RGS17: variants seen among roughly 807,000 people sequenced by gnomAD.
RGS17 encodes the protein regulator of G-protein signaling 17.
Under a neutral mutation model 25.5 loss-of-function variants are expected in RGS17, and 12 were observed. The ratio of observed to expected loss-of-function variants is 0.47; its 90% confidence interval spans 0.30 to 0.76. The LOEUF is 0.76. Ranked by LOEUF, RGS17 falls within the 30% of genes least tolerant of loss-of-function variation. The probability of loss-of-function intolerance (pLI) is 0.07; values close to 1 mark genes in which losing one functional copy is unlikely to be tolerated. For missense variants in RGS17, 196 were observed against 242.2 expected (o/e 0.81, Z 1.27); for synonymous variants, 71 against 76.9 (o/e 0.92, Z 0.40).
chr6:153,004,691 T>C lies in RGS17; in HGVS notation c.*6883A>G, dbSNP rs1779054888. The C allele has an allele frequency of 6.6e-6, 1 of 152,122 alleles. No individual in the cohort carries two copies. Among genetic ancestry groups the C allele is most frequent in the Admixed American group, 6.5e-5 (1 of 15,282 alleles). 9.4% of individuals were successfully genotyped at this position (152,122 alleles called of 1,614,324 possible). A position where few individuals can be genotyped will look rare whatever the true frequency, so the allele number is the denominator to read the frequency against. ...AATTCTAGCATTTTCCAGAAGTATA[T>C]TATTGTACATAGGTAAAATGATAAA... On this transcript the variant is annotated 3_prime_UTR_variant, in exon 5 of 5. Coordinates refer to ENST00000206262, the MANE Select transcript of RGS17 (RefSeq NM_012419.5).
intron 1 of RGS17, among the ~76,000 whole-genome samples, chr6:153,071,034 T>C (rs1395605171): frequency 3.4e-5 from 5 of 148,066 alleles, no homozygotes; most frequent in Non-Finnish European, 7.4e-5. Flanking sequence ...TATGTATATA[T>C]ACGTATATGT....
rs368815245 is a variant in RGS17, at chr6:153,121,832, T to C, written c.-26+9292A>G. Among the ~76,000 whole-genome samples, 49 of 152,290 alleles carry C rather than the reference T, an allele frequency of 3.2e-4. 7 individuals carry two copies. Among genetic ancestry groups the C allele is most frequent in the Admixed American group, 2.1e-3 (32 of 15,298 alleles). ...ATTTTAAACTATTTAACATAACCTATGTTAGGTCAAGAAAAGGGCTTCACA... is the reference window on the plus strand; with the variant it reads ...ATTTTAAACTATTTAACATAACCTACGTTAGGTCAAGAAAAGGGCTTCACA... On this transcript the variant is annotated intron_variant, in intron 1 of 4. Coordinates refer to ENST00000206262, the MANE Select transcript of RGS17 (RefSeq NM_012419.5).
At chr6:153,115,324 A>C (rs955991201) in intron 1 of RGS17, among the ~76,000 whole-genome samples, 1 of 152,228 alleles carries the variant, frequency 6.6e-6, no homozygotes, top group African/African-American at 2.4e-5. Context: ...GTGTACTCCC[A>C]TTCACAATTG....
chr6:153,119,282 T>C lies in RGS17; in HGVS notation c.-26+11842A>G, dbSNP rs62435967. Among the ~76,000 whole-genome samples the C allele has an allele frequency of 3.9e-3, 591 of 152,310 alleles. 3 individuals carry two copies. Among genetic ancestry groups the C allele is most frequent in the Non-Finnish European group, 5.2e-3 (355 of 68,022 alleles). On this transcript the variant is annotated intron_variant, in intron 1 of 4. Transcript: ENST00000206262. The stretch of plus-strand genomic sequence containing the variant: ...TGTAGTTCATTCACCCTCCCAGTCA[T>C]TGAGTTTCCTCCATGACATCTCTGC...
chr6:153,024,705 C>T (rs1187003307), intron 3 of RGS17, among the ~76,000 whole-genome samples: 1 of 152,104 alleles, frequency 6.6e-6, no homozygotes, highest in Non-Finnish European at 1.5e-5. Flanking sequence ...TTCACACAGG[C>T]ATAAGAGACA....
At chr6:153,068,186 T>C (rs971644968) in intron 1 of RGS17, among the ~76,000 whole-genome samples, 2 of 152,178 alleles carry the variant, frequency 1.3e-5, no homozygotes, top group Non-Finnish European at 2.9e-5. Context: ...GGCTCATGCC[T>C]GCAATCCCAG....
At chr6:153,071,933 G>A (rs763545415) in intron 1 of RGS17, among the ~76,000 whole-genome samples, 1 of 152,054 alleles carries the variant, frequency 6.6e-6, no homozygotes, top group African/African-American at 2.4e-5. Flanking sequence ...AATTTACCAG[G>A]TTGTTGTTTG....
intron 4 of RGS17, among the ~76,000 whole-genome samples, chr6:153,016,668 ATT>A (rs1178191808): frequency 2.6e-5 from 4 of 152,230 alleles, no homozygotes; most frequent in Non-Finnish European, 5.9e-5. Flanking sequence ...ACAAAAATGC[ATT>A]TGTTATTTCT....
At chr6:153,099,887 T>A (rs1219569247) in intron 1 of RGS17, among the ~76,000 whole-genome samples, 1 of 152,156 alleles carries the variant, frequency 6.6e-6, no homozygotes, top group Non-Finnish European at 1.5e-5. Flanking sequence ...AAATGTCACA[T>A]AGCGACTCTA....
intron 2 of RGS17, among the ~76,000 whole-genome samples, chr6:153,039,559 G>T (rs1203685041): frequency 6.6e-6 from 1 of 152,138 alleles, no homozygotes; most frequent in Non-Finnish European, 1.5e-5. Context: ...ACCCTGTTTT[G>T]CTTGATGGGA....
chr6:153,020,950 A>G (rs1779242292), intron 4 of RGS17, among the ~76,000 whole-genome samples: 1 of 152,198 alleles, frequency 6.6e-6, no homozygotes, highest in Admixed American at 6.5e-5. Flanking sequence ...AAGCTATGCC[A>G]TTAGGTAGAG....
In RGS17 at chr6:153,064,771, A is replaced by C. The variant is rs116894334; in HGVS notation, c.-25-20728T>G. Among the ~76,000 whole-genome samples, 792 of 152,326 alleles carry C rather than the reference A, an allele frequency of 5.2e-3. 3 individuals are homozygous for C. The highest frequency in any genetic ancestry group is 8.8e-3 in the Non-Finnish European group (596 of 68,016). The stretch of plus-strand genomic sequence containing the variant: ...TAATAATATAGTATTTGCAAGCCTC[A>C]TGGTAACCTCAAACCAAAATACATA... On this transcript the variant is annotated intron_variant, in intron 1 of 4. Transcript: ENST00000206262.
At chr6:153,070,810 CAT>C (rs974056059) in intron 1 of RGS17, among the ~76,000 whole-genome samples, 4 of 150,428 alleles carry the variant, frequency 2.7e-5, no homozygotes, top group African/African-American at 4.9e-5. Flanking sequence ...TACATATACA[CAT>C]ATACATATAC....
chr6:153,009,780 T>C lies in RGS17; in HGVS notation c.*1794A>G, dbSNP rs1019519300. 6 of 151,966 alleles carry C rather than the reference T, an allele frequency of 3.9e-5. No homozygotes were observed. The highest frequency in any genetic ancestry group is 8.8e-5 in the Non-Finnish European group (6 of 67,846). 9.4% of individuals were successfully genotyped at this position (151,966 alleles called of 1,614,324 possible). On this transcript the variant is annotated 3_prime_UTR_variant, in exon 5 of 5. Transcript: ENST00000206262. ...ATATTTTGTTTTCTACTCTGCAATT[T>C]TTAAAAAATCCCATTTTGTCAAACA...
At chr6:153,111,286 T>A (rs1777466070) in intron 1 of RGS17, among the ~76,000 whole-genome samples, 2 of 152,038 alleles carry the variant, frequency 1.3e-5, no homozygotes. Flanking sequence ...GAGGCTTGAG[T>A]AGGCAGTTTT....
chr6:153,092,478 A>G (rs763955457), intron 1 of RGS17, among the ~76,000 whole-genome samples: 3 of 152,144 alleles, frequency 2.0e-5, no homozygotes, highest in African/African-American at 7.2e-5. Flanking sequence ...ACTGCCTGTG[A>G]GTTAATGTGG....
chr6:153,008,210 A>G lies in RGS17; in HGVS notation c.*3364T>C, dbSNP rs866956116. 1 of 152,226 alleles carries G rather than the reference A, an allele frequency of 6.6e-6. No individual in the cohort carries two copies. The highest frequency in any genetic ancestry group is 6.5e-5 in the Admixed American group (1 of 15,286). 9.4% of individuals were successfully genotyped at this position (152,226 alleles called of 1,614,324 possible). Reference sequence around the variant, plus strand: ...CAAAACTGAACTATCAGGTAGATAAACAACACGTATTTCATTCTGTAAGTC... The same window carrying G: ...CAAAACTGAACTATCAGGTAGATAAGCAACACGTATTTCATTCTGTAAGTC... On this transcript the variant is annotated 3_prime_UTR_variant, in exon 5 of 5. Coordinates refer to ENST00000206262, the MANE Select transcript of RGS17 (RefSeq NM_012419.5).
intron 2 of RGS17, among the ~76,000 whole-genome samples, chr6:153,033,782 CT>C (rs1272594312): frequency 2.0e-5 from 3 of 151,720 alleles, no homozygotes; most frequent in African/African-American, 7.3e-5. Flanking sequence ...TCATCAGAAT[CT>C]TCTATACCTC....
chr6:153,015,633 T>C (rs1333838529), intron 4 of RGS17, among the ~76,000 whole-genome samples: 1 of 152,188 alleles, frequency 6.6e-6, no homozygotes, highest in Non-Finnish European at 1.5e-5. Flanking sequence ...GTATTGTTTA[T>C]ACTATGACTA....
Sources: gnomAD v4.1 joint callset for allele counts (sites outside exome capture counted in the v4.1 genomes callset) on GRCh38, gnomAD v4.1.1 for gene constraint, MANE v1.5 for transcripts, NCBI Gene and HGNC (gene_info 2026-07-23, HGNC 2026-07-21) for gene names.